RANGAP1: variants seen among roughly 807,000 people sequenced by gnomAD.
RANGAP1 encodes the protein Ran GTPase activating protein 1.
Under a neutral mutation model 63.5 loss-of-function variants are expected in RANGAP1, and 38 were observed. The ratio of observed to expected loss-of-function variants is 0.60; its 90% CI spans 0.46 to 0.78. The LOEUF (loss-of-function observed/expected upper bound fraction) is 0.78, where lower values mean the gene tolerates loss of function less well. Among genes scored for constraint, RANGAP1 ranks in the 30% least tolerant of loss-of-function variants. RANGAP1 has a pLI of 0.00. For missense variants in RANGAP1, 630 were observed against 740.3 expected, an observed-to-expected ratio of 0.85 and a Z score of 1.73; for synonymous variants, 329 against 310.5, an observed-to-expected ratio of 1.06 and a Z score of -0.63.
At chr22:41,278,739 G>A (rs368940839) in intron 2 of RANGAP1, among the ~76,000 whole-genome samples, 1 of 152,206 alleles carries the variant, frequency 6.6e-6, no homozygotes, top group Non-Finnish European at 1.5e-5. Flanking sequence ...CAAGGGTGAC[G>A]CAAGCATCAA....
At chr22:41,256,654 A>C in intron 8 of RANGAP1, 57 bp downstream of exon 8, 1 of 1,484,876 alleles carries the variant, frequency 6.7e-7, no homozygotes, top group Non-Finnish European at 9.3e-7. Flanking sequence ...CTGTGCCCCC[A>C]GCCGCCCCAC....
At chr22:41,289,832 A>C (rs1391207387), upstream of RANGAP1, among the ~76,000 whole-genome samples, 2 of 152,138 alleles carry the variant, frequency 1.3e-5, no homozygotes, top group African/African-American at 4.8e-5. Context: ...CTAAGGCCCA[A>C]GTTACAGTGT....
intron 3 of RANGAP1, among the ~76,000 whole-genome samples, chr22:41,268,845 AG>A (rs1407316231): frequency 6.6e-6 from 1 of 152,160 alleles, no homozygotes; most frequent in Non-Finnish European, 1.5e-5. Flanking sequence ...ACTTGAGGTC[AG>A]GAGTTCCAGA....
intron 1 of RANGAP1, chr22:41,282,588 C>T (rs2035551779): frequency 6.6e-6 from 1 of 152,242 alleles, no homozygotes; most frequent in South Asian, 2.1e-4. Flanking sequence ...TCCCAAAGTG[C>T]TGGGATTACA....
intron 10 of RANGAP1, 72 bp from the exon 11 acceptor site, chr22:41,254,566 T>A: frequency 6.6e-7 from 1 of 1,509,116 alleles, no homozygotes; most frequent in Non-Finnish European, 8.8e-7. Flanking sequence ...CCTGGCTCCA[T>A]GAGCCCAGAG....
intron 15 of RANGAP1, among the ~76,000 whole-genome samples, chr22:41,247,728 A>G (rs73176656): frequency 0.041 from 6,259 of 152,366 alleles, 178 homozygotes; most frequent in Middle Eastern, 0.071. Context: ...GGACTGGGCA[A>G]GTGCGGGACG....
chr22:41,294,624 C>G, the RANGAP1 span, among the ~76,000 whole-genome samples: 1 of 144,528 alleles, frequency 6.9e-6, no homozygotes, highest in Non-Finnish European at 1.5e-5. Flanking sequence ...TCTTCCCGGC[C>G]GCCATCCCAT....
chr22:41,280,550 A>C, intron 2 of RANGAP1: 34 of 598,484 alleles, frequency 5.7e-5, no homozygotes, highest in Non-Finnish European at 8.2e-5. Flanking sequence ...CTCTGGGGAA[A>C]GCTGCAGCTA....
the RANGAP1 span, among the ~76,000 whole-genome samples, chr22:41,298,415 A>G: frequency 1.3e-5 from 2 of 151,942 alleles, no homozygotes; most frequent in Non-Finnish European, 2.9e-5. Context: ...CCCAGGTTCA[A>G]GCGATTCTCC....
chr22:41,281,347 G>A (rs533568956), intron 1 of RANGAP1: 21 of 917,026 alleles, frequency 2.3e-5, no homozygotes, highest in East Asian at 1.5e-4. Context: ...CTAAACTGCC[G>A]CAGCTGGACA....
Position 41,268,052 on chromosome 22 carries a change from A to T in RANGAP1, c.300+45T>A, listed in dbSNP as rs776728069. On this transcript the variant is annotated intron_variant, in intron 4 of 15. Coordinates refer to ENST00000356244, the MANE Select transcript of RANGAP1 (RefSeq NM_002883.4). ...ATGAGAAAAGCCCTGGGAATTGCCA[A>T]AGAGGGCCTTGCGCGTGGAGGGGAA... 46 of 1,472,416 alleles carry T rather than the reference A, an allele frequency of 3.1e-5. No homozygotes were observed. The Admixed American group carries it at 8.8e-4, about 28-fold the overall frequency. The allele number at this position is 1,472,416 out of a possible 1,614,324, so 91.2% of individuals were successfully genotyped here.
intron 13 of RANGAP1, among the ~76,000 whole-genome samples, chr22:41,250,266 G>A (rs537073433): frequency 6.6e-6 from 1 of 152,354 alleles, no homozygotes; most frequent in East Asian, 1.9e-4. Flanking sequence ...CAGGGAGCAG[G>A]CTTGTGTCTG....
At chr22:41,264,623 T>C (rs372829007) in intron 5 of RANGAP1, 41 bp downstream of exon 5, 35 of 1,580,164 alleles carry the variant, frequency 2.2e-5, no homozygotes, top group Non-Finnish European at 3.0e-5. Context: ...CGGATGTGGA[T>C]GGACCAGGGG....
chr22:41,289,027 A>G (rs2035806297), upstream of RANGAP1, among the ~76,000 whole-genome samples: 1 of 145,624 alleles, frequency 6.9e-6, no homozygotes, highest in African/African-American at 2.6e-5. Flanking sequence ...GGTTCAAGTG[A>G]TTCTTCTGCC....
chr22:41,283,194 G>A lies in RANGAP1; in HGVS notation c.-38-2112C>T, dbSNP rs2035581941. ...GCATATGTTCTAAATGACACATTTA[G>A]TATGTGATTTAAAAAAAAAAGGGGG... is the stretch of plus-strand genomic sequence containing the variant. On this transcript the variant is annotated intron_variant, in intron 1 of 15. Transcript: ENST00000356244. Among the ~76,000 whole-genome samples, 8 of 133,694 alleles carry A rather than the reference G, an allele frequency of 6.0e-5. No homozygotes were observed. In the South Asian group the frequency reaches 2.2e-3, roughly 36 times the overall value. The allele number at this position is 133,694 out of a possible 152,430, so 87.7% of individuals were successfully genotyped here. A position where few individuals can be genotyped will look rare whatever the true frequency, so the allele number is the denominator to read the frequency against.
chr22:41,278,291 G>C (rs974241464), intron 2 of RANGAP1, among the ~76,000 whole-genome samples: 8 of 152,028 alleles, frequency 5.3e-5, no homozygotes, highest in African/African-American at 9.7e-5. Flanking sequence ...TGCCCACCTC[G>C]GCCTCCCAAA....
chr22:41,280,888 C>G, intron 2 of RANGAP1, 45 bp downstream of exon 2: 1 of 1,611,914 alleles, frequency 6.2e-7, no homozygotes, highest in Non-Finnish European at 8.5e-7. Flanking sequence ...AGTACACTCC[C>G]TCTCCTCCCC....
chr22:41,276,959 T>A (rs1190220638), intron 2 of RANGAP1, among the ~76,000 whole-genome samples: 2 of 137,812 alleles, frequency 1.5e-5, no homozygotes, highest in African/African-American at 2.8e-5. Flanking sequence ...CACTCCAGCC[T>A]GGGCTACAGA....
intron 5 of RANGAP1, among the ~76,000 whole-genome samples, chr22:41,261,932 C>G (rs1455797286): frequency 1.3e-5 from 2 of 152,150 alleles, no homozygotes; most frequent in Non-Finnish European, 2.9e-5. Flanking sequence ...GTCTAAGGCC[C>G]TCTGCTAGGT....
Sources: gnomAD v4.1 joint callset for allele counts (sites outside exome capture counted in the v4.1 genomes callset) on GRCh38, gnomAD v4.1.1 for gene constraint, MANE v1.5 for transcripts, NCBI Gene and HGNC (gene_info 2026-07-23, HGNC 2026-07-21) for gene names.